The following PBX4 variants were observed in gnomAD, a reference collection of about 807,000 sequenced individuals.
The protein encoded by PBX4 is PBX homeobox 4, also known as pre-B-cell leukemia transcription factor 4.
PBX4 carries 26 observed loss-of-function variants against 35.1 expected under a neutral mutation model. The observed-to-expected ratio is 0.74, with a 90% CI of 0.54 to 1.03. PBX4 has a LOEUF of 1.03. Ranked by LOEUF, PBX4 falls within the 50% of genes least tolerant of loss-of-function variation. The probability of loss-of-function intolerance (pLI) is 0.00; values close to 1 mark genes in which losing one functional copy is unlikely to be tolerated. For synonymous variants in PBX4, 199 were observed against 204.2 expected, an observed-to-expected ratio of 0.97 and a Z score of 0.22; for missense variants, 448 against 504.3, an observed-to-expected ratio of 0.89 and a Z score of 1.07.
chr19:19,610,389 G>A lies in PBX4; in HGVS notation c.119+8122C>T, dbSNP rs1307642505. Among the ~76,000 whole-genome samples the A allele has an allele frequency of 2.6e-5, 4 of 151,926 alleles. No homozygotes were observed. The East Asian group carries it at 7.7e-4, about 29-fold the overall frequency. ...GATTGTGCCATTGCACTCCAGCCTGGGTAACAAGAGTGAAACTCCATCTCG... is the reference window on the plus strand; with the variant it reads ...GATTGTGCCATTGCACTCCAGCCTGAGTAACAAGAGTGAAACTCCATCTCG... On this transcript the variant is annotated intron_variant, in intron 1 of 7. Coordinates refer to ENST00000251203, the MANE Select transcript of PBX4 (RefSeq NM_025245.3).
intron 1 of PBX4, among the ~76,000 whole-genome samples, chr19:19,607,167 C>T (rs1183418399): frequency 6.6e-6 from 1 of 152,068 alleles, no homozygotes; most frequent in Non-Finnish European, 1.5e-5. Flanking sequence ...GATTCTTGTG[C>T]CTCAGCCTCC....
chr19:19,583,281 AAAAACAAAACAAAACAAAAC>A (rs201678612), intron 2 of PBX4, among the ~76,000 whole-genome samples: 1 of 151,024 alleles, frequency 6.6e-6, no homozygotes, highest in Non-Finnish European at 1.5e-5. Context: ...TCCGTCTCAA[AAAAACAAAACAAAACAAAAC>A]AAAACAAAAC....
intron 5 of PBX4, among the ~76,000 whole-genome samples, chr19:19,569,014 G>C (rs1275596560): frequency 6.6e-6 from 1 of 152,212 alleles, no homozygotes; most frequent in Non-Finnish European, 1.5e-5. Context: ...CTGGATCTGA[G>C]CTGGCCTGGC....
At chr19:19,605,670 A>G (rs751965866) in intron 1 of PBX4, among the ~76,000 whole-genome samples, 11 of 151,702 alleles carry the variant, frequency 7.3e-5, no homozygotes, top group East Asian at 3.9e-4. Flanking sequence ...GGTTCTCCCT[A>G]TGTTGTCCAG....
At chr19:19,569,676 T>C in intron 4 of PBX4, 92 bp from the exon 5 acceptor site, 2 of 1,469,778 alleles carry the variant, frequency 1.4e-6, no homozygotes, top group Non-Finnish European at 1.8e-6. Flanking sequence ...CCAGTAGTTC[T>C]GAAAACAGCA....
chr19:19,604,482 A>G (rs1287320415), intron 1 of PBX4, among the ~76,000 whole-genome samples: 5 of 151,824 alleles, frequency 3.3e-5, no homozygotes, highest in Admixed American at 3.3e-4. Context: ...AAAAAAAGGA[A>G]TACAACTGGG....
intron 4 of PBX4, among the ~76,000 whole-genome samples, chr19:19,569,842 G>C (rs1413552060): frequency 6.6e-6 from 1 of 152,162 alleles, no homozygotes; most frequent in Non-Finnish European, 1.5e-5. Context: ...CCTGGGAGGC[G>C]GAGGTTGTGG....
chr19:19,569,231 T>A (rs10221485), intron 5 of PBX4, among the ~76,000 whole-genome samples: 9,527 of 152,206 alleles, frequency 0.063, 671 homozygotes, highest in African/African-American at 0.16. Context: ...GCTAATTTTT[T>A]AAATTTTTTG....
intron 3 of PBX4, 43 bp downstream of exon 3, chr19:19,570,543 T>C (rs753272619): frequency 2.5e-6 from 4 of 1,603,764 alleles, no homozygotes; most frequent in Admixed American, 1.7e-5. Context: ...CTTTGACAAA[T>C]GCGCATTCAC....
chr19:19,594,298 G>A (rs958304508), intron 2 of PBX4, among the ~76,000 whole-genome samples: 11 of 151,672 alleles, frequency 7.3e-5, no homozygotes, highest in South Asian at 6.2e-4. Context: ...CCAACTACTC[G>A]GGAGGCTGAG....
intron 2 of PBX4, 94 bp downstream of exon 2, chr19:19,599,198 C>G: frequency 9.5e-7 from 1 of 1,052,604 alleles, no homozygotes; most frequent in Non-Finnish European, 1.4e-6. Context: ...GGAATCCAGC[C>G]TCAGGTGATC....
chr19:19,565,797 A>G (rs1407917713), intron 5 of PBX4, among the ~76,000 whole-genome samples: 2 of 152,086 alleles, frequency 1.3e-5, no homozygotes, highest in Admixed American at 6.6e-5. Context: ...ACATGCCTGT[A>G]ATCCCAGCTA....
At chr19:19,586,439 T>C (rs1651787455) in intron 2 of PBX4, among the ~76,000 whole-genome samples, 3 of 151,876 alleles carry the variant, frequency 2.0e-5, no homozygotes, top group Admixed American at 6.6e-5. Context: ...CAAACAATTA[T>C]ATGAGCTGCT....
Position 19,562,596 on chromosome 19 carries a change from G to C in PBX4, c.1033-479C>G, listed in dbSNP as rs1235873349. Among the ~76,000 whole-genome samples the C allele has an allele frequency of 1.3e-5, 2 of 152,190 alleles. No homozygotes were observed. Among genetic ancestry groups the C allele is most frequent in the East Asian group, 3.9e-4 (2 of 5,182 alleles). ...GGGTGGGGGCTCTGTCTGCAGTGCA[G>C]AGACGGCATCACGTCCAACGGCGCT... On this transcript the variant is annotated intron_variant, in intron 7 of 7. Coordinates refer to ENST00000251203, the MANE Select transcript of PBX4 (RefSeq NM_025245.3). This position sits in a 1 kb window ranked among gnomAD's most constrained non-coding sequence, Gnocchi z 4.8.
Position 19,569,596 on chromosome 19 carries a change from G to A in PBX4, c.633-12C>T. 3 of 1,612,586 alleles carry A rather than the reference G, an allele frequency of 1.9e-6. No individual in the cohort carries two copies. The highest frequency in any genetic ancestry group is 2.5e-6 in the Non-Finnish European group (3 of 1,179,316). On this transcript the variant is annotated splice_polypyrimidine_tract_variant and intron_variant, in intron 4 of 7. Coordinates refer to ENST00000251203, the MANE Select transcript of PBX4 (RefSeq NM_025245.3). Reference sequence around the variant, plus strand: ...TCCGCCGCTTGCGCCTGCAAAAACAGCCGCCTTCGTAGGCATTAATATGCT... The same window carrying A: ...TCCGCCGCTTGCGCCTGCAAAAACAACCGCCTTCGTAGGCATTAATATGCT...
intron 2 of PBX4, among the ~76,000 whole-genome samples, chr19:19,573,034 A>G (rs1433374863): frequency 6.6e-6 from 1 of 151,542 alleles, no homozygotes; most frequent in Non-Finnish European, 1.5e-5. Context: ...GGCCAGGCGC[A>G]GTGGCTCACG....
chr19:19,561,868 T>A lies in PBX4; in HGVS notation c.*157A>T, dbSNP rs2061308092. ...GCCATCTCGAGTCGCAGCAGACACA[T>A]GAGCCGGCGCCACGGGCCTGGCTGA... On this transcript the variant is annotated 3_prime_UTR_variant, in exon 8 of 8. Coordinates refer to ENST00000251203, the MANE Select transcript of PBX4 (RefSeq NM_025245.3). 5 of 562,868 alleles carry A rather than the reference T, an allele frequency of 8.9e-6. No homozygotes were observed. The highest frequency in any genetic ancestry group is 3.5e-4 in the Middle Eastern group (1 of 2,864). 34.9% of individuals were successfully genotyped at this position (562,868 alleles called of 1,614,324 possible).
intron 1 of PBX4, among the ~76,000 whole-genome samples, chr19:19,614,340 A>G (rs2061677726): frequency 6.6e-6 from 1 of 151,990 alleles, no homozygotes; most frequent in African/African-American, 2.4e-5. Flanking sequence ...TCAAAAACAA[A>G]CAAACAAACA....
chr19:19,587,241 T>C (rs2061495403), intron 2 of PBX4, among the ~76,000 whole-genome samples: 1 of 151,994 alleles, frequency 6.6e-6, no homozygotes, highest in African/African-American at 2.4e-5. Context: ...TTAATAGCAA[T>C]AGAAAGGGTT....
Sources: allele counts gnomAD v4.1 joint callset (sites outside exome capture counted in the v4.1 genomes callset), GRCh38; gene constraint gnomAD v4.1.1; non-coding constraint Gnocchi (gnomAD v3.1); transcripts MANE v1.5; gene names NCBI Gene and HGNC (gene_info 2026-07-23, HGNC 2026-07-21).